Variants in TPD52L1 observed in about 807,000 individuals in gnomAD.
TPD52L1 encodes the protein tumor protein D53.
Under a neutral mutation model 28.7 loss-of-function variants are expected in TPD52L1, and 18 were observed. The ratio of observed to expected loss-of-function variants is 0.63; its 90% confidence interval spans 0.43 to 0.93. TPD52L1 has a LOEUF of 0.93. TPD52L1 is among the 40% of genes least tolerant of loss of function. The pLI is 0.00. For missense variants in TPD52L1, 203 were observed against 254.8 expected, an observed-to-expected ratio of 0.80 and a Z score of 1.39; for synonymous variants, 75 against 88.8, an observed-to-expected ratio of 0.84 and a Z score of 0.88.
At chr6:125,235,774 C>T (rs1342409134) in intron 3 of TPD52L1, among the ~76,000 whole-genome samples, 2 of 152,150 alleles carry the variant, frequency 1.3e-5, no homozygotes, top group African/African-American at 2.4e-5. Flanking sequence ...GGCTCAGTGG[C>T]GCTTGCCTAT....
chr6:125,156,279 A>G (rs923605396), intron 1 of TPD52L1, among the ~76,000 whole-genome samples: 7 of 152,032 alleles, frequency 4.6e-5, no homozygotes, highest in African/African-American at 7.2e-5. Context: ...AGCCTGGACA[A>G]CATAGAGAGA....
intron 1 of TPD52L1, chr6:125,154,651 G>C (rs1270628585): frequency 4.4e-6 from 2 of 458,766 alleles, no homozygotes; most frequent in Non-Finnish European, 5.7e-6. Flanking sequence ...GGTGGCTTCA[G>C]GAAGGGCGGC....
chr6:125,251,933 A>G (rs781030190), intron 4 of TPD52L1: 3 of 1,391,564 alleles, frequency 2.2e-6, no homozygotes, highest in Non-Finnish European at 3.0e-6. Context: ...GGCCCTTGAA[A>G]GGGGACCACC....
At chr6:125,192,568 C>T (rs959710228) in intron 1 of TPD52L1, among the ~76,000 whole-genome samples, 2 of 152,118 alleles carry the variant, frequency 1.3e-5, no homozygotes, top group African/African-American at 4.8e-5. Flanking sequence ...AGCACCTTAA[C>T]AGAGAGCCCC....
chr6:125,256,739 G>A (rs930508879), intron 5 of TPD52L1, among the ~76,000 whole-genome samples: 2 of 152,210 alleles, frequency 1.3e-5, no homozygotes, highest in Non-Finnish European at 2.9e-5. Context: ...GAGGAGTGTT[G>A]TGATAGAAAC....
At chr6:125,163,943 A>G (rs1582834081) in intron 1 of TPD52L1, among the ~76,000 whole-genome samples, 1 of 147,166 alleles carries the variant, frequency 6.8e-6, no homozygotes, top group East Asian at 1.9e-4. Flanking sequence ...AAAACAAAAG[A>G]AAAAAACCAA....
intron 3 of TPD52L1, among the ~76,000 whole-genome samples, chr6:125,240,987 T>C (rs1167993471): frequency 1.3e-5 from 2 of 152,134 alleles, no homozygotes; most frequent in Admixed American, 6.6e-5. Context: ...TTTATTATCT[T>C]GAAATATGTC....
chr6:125,201,878 T>C (rs1793817625), intron 1 of TPD52L1, among the ~76,000 whole-genome samples: 2 of 152,224 alleles, frequency 1.3e-5, no homozygotes, highest in African/African-American at 2.4e-5. Context: ...CTACTCAGAT[T>C]TCAGAAGGAA....
At chr6:125,225,217 T>G (rs376010415) in intron 2 of TPD52L1, among the ~76,000 whole-genome samples, 8 of 152,248 alleles carry the variant, frequency 5.3e-5, no homozygotes, top group Admixed American at 3.3e-4. Context: ...CCATTTTATT[T>G]ATCTACTACA....
At position 125,262,892 on chromosome 6, in the gene TPD52L1, C is replaced by T. The variant is rs1268877468; in HGVS notation, c.545C>T (p.Thr182Met). 1.2e-5 allele frequency: 19 copies of T among 1,614,114 alleles called. No homozygotes were observed. Among genetic ancestry groups the T allele is most frequent in the African/African-American group, 1.3e-5 (1 of 74,952 alleles). ...GGSFEEVLSS[T>M]AHASAQSLAG... ...AGTTTTGAGGAGGTCCTCAGCTCCA[C>T]GGCCCATGCCAGTGCCCAGAGCTTG... Residue 182 changes from threonine to methionine, a missense_variant, in exon 7 of 7, where the codon ACG (threonine) becomes ATG (methionine). Physicochemically the swap from Thr to Met is moderately conservative, Grantham distance 81. Transcript: ENST00000534000.
At chr6:125,157,508 T>C (rs567891418) in intron 1 of TPD52L1, among the ~76,000 whole-genome samples, 50 of 152,242 alleles carry the variant, frequency 3.3e-4, no homozygotes, top group African/African-American at 1.1e-3. Context: ...GAGAGAGATG[T>C]CCACAGGAGA....
intron 6 of TPD52L1, chr6:125,260,152 G>C (rs1291086341): frequency 6.6e-6 from 1 of 152,200 alleles, no homozygotes; most frequent in Non-Finnish European, 1.5e-5. Context: ...TATTGCAAAA[G>C]AGAATGTGAA....
intron 6 of TPD52L1, chr6:125,261,931 A>C (rs975805832): frequency 1.3e-5 from 2 of 152,184 alleles, no homozygotes; most frequent in Admixed American, 6.5e-5. Flanking sequence ...AGACTGGGTA[A>C]TTTATAAAGG....
intron 4 of TPD52L1, among the ~76,000 whole-genome samples, chr6:125,250,104 C>A (rs1256822754): frequency 6.6e-6 from 1 of 152,170 alleles, no homozygotes; most frequent in Middle Eastern, 3.4e-3. Flanking sequence ...ACCTGTTATA[C>A]CCAAGAAAAC....
intron 2 of TPD52L1, among the ~76,000 whole-genome samples, chr6:125,227,728 T>C (rs1330500409): frequency 6.6e-6 from 1 of 152,250 alleles, no homozygotes; most frequent in Non-Finnish European, 1.5e-5. Flanking sequence ...GTATGACAAC[T>C]AATTAAAATC....
intron 1 of TPD52L1, among the ~76,000 whole-genome samples, chr6:125,216,529 GTATATA>G (rs56135453): frequency 0.26 from 17,888 of 67,648 alleles, 1,550 homozygotes; most frequent in Non-Finnish European, 0.31. Flanking sequence ...GTATGTGTGT[GTATATA>G]TATATATATA....
chr6:125,242,339 TC>T (rs1201429650), intron 3 of TPD52L1, among the ~76,000 whole-genome samples: 6 of 152,108 alleles, frequency 3.9e-5, no homozygotes, highest in Non-Finnish European at 8.8e-5. Context: ...GTCCATTGTT[TC>T]ATTGTTGATT....
chr6:125,249,189 T>A (rs1797103286), intron 4 of TPD52L1, among the ~76,000 whole-genome samples: 1 of 151,456 alleles, frequency 6.6e-6, no homozygotes, highest in African/African-American at 2.4e-5. Context: ...AGTTTTTGCT[T>A]ATTTAAATAC....
chr6:125,203,817 A>G (rs1793945454), intron 1 of TPD52L1: 1 of 984,642 alleles, frequency 1.0e-6, no homozygotes, highest in Non-Finnish European at 1.2e-6. Flanking sequence ...CTTTCATTGT[A>G]GAAAACCTGA....
Sources: allele counts gnomAD v4.1 joint callset (sites outside exome capture counted in the v4.1 genomes callset), GRCh38; gene constraint gnomAD v4.1.1; transcripts MANE v1.5; gene names NCBI Gene and HGNC (gene_info 2026-07-23, HGNC 2026-07-21).